The following MAGI2 variants were observed in gnomAD, a reference collection of about 807,000 sequenced individuals.
MAGI2 encodes the protein membrane-associated guanylate kinase, WW and PDZ domain-containing protein 2.
In MAGI2, 35 loss-of-function variants were observed where a neutral mutation model predicts 133.3. The observed-to-expected ratio is 0.26, with a 90% CI of 0.20 to 0.35. MAGI2 has a LOEUF of 0.35. Among genes scored for constraint, MAGI2 ranks in the 10% least tolerant of loss-of-function variants. The pLI is 1.00. For missense variants in MAGI2, 1,636 were observed against 1,863.4 expected, an observed-to-expected ratio of 0.88 and a Z score of 2.25; for synonymous variants, 729 against 710.6, an observed-to-expected ratio of 1.03 and a Z score of -0.41.
intron 10 of MAGI2, chr7:78,254,032 T>C (rs1792708355): frequency 6.6e-6 from 1 of 152,212 alleles, no homozygotes; most frequent in Non-Finnish European, 1.5e-5. Context: ...CATCACAGCA[T>C]TCTGCATTTT....
intron 9 of MAGI2, among the ~76,000 whole-genome samples, chr7:78,258,588 A>T (rs1793226993): frequency 6.6e-6 from 1 of 152,020 alleles, no homozygotes; most frequent in South Asian, 2.1e-4. Flanking sequence ...AATTTATATC[A>T]TATCTAGGTG....
chr7:78,677,668 A>G (rs172805), intron 2 of MAGI2, among the ~76,000 whole-genome samples: 67,894 of 151,874 alleles, frequency 0.45, 15,615 homozygotes, highest in East Asian at 0.66. Context: ...CTTCCCATAA[A>G]AATTATTATG....
At chr7:78,685,490 A>G (rs2151105979) in intron 2 of MAGI2, among the ~76,000 whole-genome samples, 1 of 147,818 alleles carries the variant, frequency 6.8e-6, no homozygotes. Flanking sequence ...TAACAGCCCC[A>G]CGAGTAAAAT....
intron 2 of MAGI2, among the ~76,000 whole-genome samples, chr7:78,871,580 G>C (rs1223213817): frequency 6.6e-6 from 1 of 152,014 alleles, no homozygotes; most frequent in African/African-American, 2.4e-5. Context: ...AAAAGAGAAA[G>C]ACTTAGTTCT....
At chr7:78,224,742 G>A (rs527337414) in intron 10 of MAGI2, among the ~76,000 whole-genome samples, 1 of 150,164 alleles carries the variant, frequency 6.7e-6, no homozygotes, top group Admixed American at 6.6e-5. Flanking sequence ...TGTTTTGGAG[G>A]AAGTGTATCA....
intron 16 of MAGI2, among the ~76,000 whole-genome samples, chr7:78,139,885 T>C (rs1822567109): frequency 6.6e-6 from 1 of 152,226 alleles, no homozygotes. Context: ...TATTGCAACA[T>C]GTTTTATATT....
intron 9 of MAGI2, among the ~76,000 whole-genome samples, chr7:78,288,009 G>A (rs1036108956): frequency 2.0e-5 from 3 of 152,120 alleles, no homozygotes; most frequent in African/African-American, 7.2e-5. Context: ...AAGAGAAGAA[G>A]AAATGCCTAT....
intron 21 of MAGI2, among the ~76,000 whole-genome samples, chr7:78,071,378 A>T (rs146739406): frequency 3.0e-4 from 46 of 152,302 alleles, no homozygotes; most frequent in Admixed American, 8.5e-4. Flanking sequence ...TCTACTAAAA[A>T]TACAAAAAAT....
intron 2 of MAGI2, among the ~76,000 whole-genome samples, chr7:78,774,421 G>A (rs533795968): frequency 7.9e-4 from 120 of 152,214 alleles, no homozygotes; most frequent in African/African-American, 2.8e-3. Context: ...CAGGAACTGG[G>A]GCTAAGAAGC....
At chr7:78,795,686 A>G (rs57179939) in intron 2 of MAGI2, among the ~76,000 whole-genome samples, 9,035 of 152,178 alleles carry the variant, frequency 0.059, 674 homozygotes, top group African/African-American at 0.17. Context: ...AAGGCTCCAA[A>G]TAGGCAAAGG....
intron 6 of MAGI2, among the ~76,000 whole-genome samples, chr7:78,465,424 C>A (rs1172639090): frequency 1.3e-5 from 2 of 152,166 alleles, no homozygotes; most frequent in Non-Finnish European, 2.9e-5. Context: ...TTTATCAAGC[C>A]ATGTACTATT....
chr7:79,325,945 G>T (rs1174985868), intron 1 of MAGI2, among the ~76,000 whole-genome samples: 1 of 152,082 alleles, frequency 6.6e-6, no homozygotes, highest in African/African-American at 2.4e-5. Context: ...GCTGGGAATA[G>T]GGGGGTTCTG....
At chr7:78,338,770 C>T (rs1386825653) in intron 9 of MAGI2, among the ~76,000 whole-genome samples, 1 of 152,130 alleles carries the variant, frequency 6.6e-6, no homozygotes, top group East Asian at 1.9e-4. Flanking sequence ...TTTGATTAAA[C>T]TCTTTTCCAA....
chr7:78,214,909 T>G (rs1484081617), intron 10 of MAGI2, among the ~76,000 whole-genome samples: 1 of 152,250 alleles, frequency 6.6e-6, no homozygotes, highest in Non-Finnish European at 1.5e-5. Context: ...CAGGTTCTCC[T>G]GTAGAACTTC....
At chr7:79,103,699 T>A (rs928950301) in intron 1 of MAGI2, among the ~76,000 whole-genome samples, 14 of 151,584 alleles carry the variant, frequency 9.2e-5, no homozygotes, top group African/African-American at 2.7e-4. Context: ...TTATTTATTT[T>A]TTATTTTTTA....
chr7:78,593,688 T>C (rs769530749), intron 3 of MAGI2, among the ~76,000 whole-genome samples: 6 of 152,198 alleles, frequency 3.9e-5, no homozygotes, highest in Non-Finnish European at 7.3e-5. Context: ...AAAATATTAT[T>C]TGGGGCTTGG....
At chr7:78,400,112 C>CA (rs1796721142) in intron 6 of MAGI2, among the ~76,000 whole-genome samples, 1 of 152,132 alleles carries the variant, frequency 6.6e-6, no homozygotes, top group Non-Finnish European at 1.5e-5. Context: ...TTTCTGATGA[C>CA]AAAACCTAAC....
At chr7:79,067,559 A>G (rs747171500) in intron 1 of MAGI2, among the ~76,000 whole-genome samples, 8 of 152,178 alleles carry the variant, frequency 5.3e-5, no homozygotes, top group Non-Finnish European at 1.0e-4. Flanking sequence ...AACAGAGACA[A>G]TTTGACTTCC....
At chr7:78,781,726 A>G (rs934244601) in intron 2 of MAGI2, among the ~76,000 whole-genome samples, 3 of 152,192 alleles carry the variant, frequency 2.0e-5, no homozygotes, top group Non-Finnish European at 4.4e-5. Flanking sequence ...AATGAGAAAT[A>G]ATGCTTTTAT....
Sources: allele counts gnomAD v4.1 joint callset (sites outside exome capture counted in the v4.1 genomes callset), GRCh38; gene constraint gnomAD v4.1.1; transcripts MANE v1.5; gene names NCBI Gene and HGNC (gene_info 2026-07-23, HGNC 2026-07-21).